Variants in GPC5 observed in about 807,000 individuals in gnomAD.
The protein encoded by GPC5 is glypican-5.
GPC5 carries 47 observed loss-of-function variants against 53.9 expected under a neutral mutation model. The ratio of observed to expected loss-of-function variants is 0.87; its 90% CI spans 0.69 to 1.11. GPC5 has a LOEUF of 1.11. Among genes scored for constraint, GPC5 ranks in the 50% most tolerant of loss-of-function variants. The pLI, the probability that GPC5 is intolerant of heterozygous loss-of-function variation, is 0.00. For missense variants in GPC5, 748 were observed against 713.1 expected, an observed-to-expected ratio of 1.05 and a Z score of -0.56; for synonymous variants, 286 against 263.3, an observed-to-expected ratio of 1.09 and a Z score of -0.84.
intron 7 of GPC5, among the ~76,000 whole-genome samples, chr13:92,721,774 T>C (rs147290705): frequency 1.3e-5 from 2 of 151,966 alleles, no homozygotes. Context: ...CACATGCCAT[T>C]AAGTCACTGT....
chr13:92,217,521 C>T (rs72636830), intron 7 of GPC5, among the ~76,000 whole-genome samples: 24,924 of 152,108 alleles, frequency 0.16, 2,359 homozygotes, highest in Admixed American at 0.22. Flanking sequence ...CTGCTAGTAA[C>T]TTTCTATCTG....
rs112032706 is a variant in GPC5, at chr13:92,785,094, G to A, written c.1562-81188G>A. ...GAGTTGACACCAGCCTGGCCAACATGATGAAACCCTGTCTCTACTTTAAAT... is the reference window on the plus strand; with the variant it reads ...GAGTTGACACCAGCCTGGCCAACATAATGAAACCCTGTCTCTACTTTAAAT... On this transcript the variant is annotated intron_variant, in intron 7 of 7. Transcript: ENST00000377067. Among the ~76,000 whole-genome samples, 546 of 152,148 alleles carry A rather than the reference G, an allele frequency of 3.6e-3. 3 individuals are homozygous for A. Among genetic ancestry groups the A allele is most frequent in the African/African-American group, 0.012 (517 of 41,508 alleles).
At chr13:92,080,608 C>T (rs912605319) in intron 6 of GPC5, among the ~76,000 whole-genome samples, 2 of 152,182 alleles carry the variant, frequency 1.3e-5, no homozygotes, top group African/African-American at 4.8e-5. Context: ...CTCATCACCA[C>T]GGCTGTGATC....
At chr13:91,681,132 C>G (rs1218343202) in intron 2 of GPC5, among the ~76,000 whole-genome samples, 2 of 151,986 alleles carry the variant, frequency 1.3e-5, no homozygotes, top group African/African-American at 2.4e-5. Context: ...TTGATGATTA[C>G]TGAGCTACAT....
chr13:92,732,407 T>C lies in GPC5; in HGVS notation c.1562-133875T>C, dbSNP rs137959084. 1.6e-3 allele frequency among the ~76,000 whole-genome samples: 245 copies of C among 151,750 alleles called. 4 individuals are homozygous for C. The highest frequency in any genetic ancestry group is 5.6e-3 in the African/African-American group (234 of 41,488). Reference sequence around the variant, plus strand: ...TGTTATTTACAACATTTGGATACTTTTTATTACTACTGTGCTTCATGTTTT... The same window carrying C: ...TGTTATTTACAACATTTGGATACTTCTTATTACTACTGTGCTTCATGTTTT... On this transcript the variant is annotated intron_variant, in intron 7 of 7. Coordinates refer to ENST00000377067, the MANE Select transcript of GPC5 (RefSeq NM_004466.6).
At chr13:91,664,374 G>T (rs1223679767) in intron 2 of GPC5, among the ~76,000 whole-genome samples, 4 of 152,144 alleles carry the variant, frequency 2.6e-5, no homozygotes, top group South Asian at 2.1e-4. Flanking sequence ...CTGCTTGCAT[G>T]ATCATTTATC....
intron 7 of GPC5, among the ~76,000 whole-genome samples, chr13:92,363,560 G>A (rs1488238588): frequency 6.6e-6 from 1 of 151,752 alleles, no homozygotes; most frequent in Non-Finnish European, 1.5e-5. Flanking sequence ...CTAACATGAG[G>A]TGGAGAGCTC....
chr13:91,595,855 A>C (rs570954164), intron 2 of GPC5, among the ~76,000 whole-genome samples: 54 of 152,296 alleles, frequency 3.5e-4, no homozygotes, highest in African/African-American at 1.2e-3. Flanking sequence ...ATTCTTCTGC[A>C]ATTGCTTTAG....
In GPC5 at chr13:91,627,777, G is replaced by A. The variant is rs542139457; in HGVS notation, c.326-65410G>A. Among the ~76,000 whole-genome samples the A allele has an allele frequency of 5.9e-5, 9 of 152,178 alleles. No individual in the cohort carries two copies. The South Asian group carries it at 1.0e-3, about 18-fold the overall frequency. On this transcript the variant is annotated intron_variant, in intron 2 of 7. Transcript: ENST00000377067. ...TGACCAAGGACACAATTTTCCTGTA[G>A]CATTTTGATGCCTGTAGCCTTCTGG...
intron 2 of GPC5, among the ~76,000 whole-genome samples, chr13:91,659,503 C>G (rs368968041): frequency 1.3e-5 from 2 of 152,150 alleles, no homozygotes; most frequent in South Asian, 2.1e-4. Flanking sequence ...AGCCAAAGAC[C>G]AAAATGTGCC....
chr13:92,335,317 G>GGTTCTT (rs1489783450), intron 7 of GPC5, among the ~76,000 whole-genome samples: 1 of 152,106 alleles, frequency 6.6e-6, no homozygotes, highest in African/African-American at 2.4e-5. Context: ...GCAGTATGTT[G>GGTTCTT]GTTCTTTTTA....
At chr13:92,032,040 T>G (rs982750794) in intron 6 of GPC5, among the ~76,000 whole-genome samples, 13 of 135,836 alleles carry the variant, frequency 9.6e-5, no homozygotes, top group African/African-American at 3.5e-4. Context: ...ATATAAAAAT[T>G]TATATATATA....
In GPC5 at chr13:91,693,715, TGGC is replaced by T. The variant is rs758437127; in HGVS notation, c.857_859del (p.Ala286del). 6.2e-7 allele frequency: 1 copy of T among 1,614,172 alleles called. No homozygotes were observed. The highest frequency in any genetic ancestry group is 1.7e-5 in the Admixed American group (1 of 60,034). Reference sequence around the variant, plus strand: ...GTCATGCGAGGCTGCCTGGCGCACATGGCGGAGCTTAATCCACACTGGCATGCA... The same window carrying T: ...GTCATGCGAGGCTGCCTGGCGCACATGGAGCTTAATCCACACTGGCATGCA... On this transcript the variant is annotated inframe_deletion, in exon 3 of 8. Coordinates refer to ENST00000377067, the MANE Select transcript of GPC5 (RefSeq NM_004466.6).
At chr13:92,036,735 C>G (rs2040896003) in intron 6 of GPC5, among the ~76,000 whole-genome samples, 2 of 152,322 alleles carry the variant, frequency 1.3e-5, no homozygotes, top group South Asian at 4.1e-4. Context: ...TCTGCTCCTA[C>G]TCCAGCCTTA....
chr13:91,742,913 A>C (rs977473550), intron 4 of GPC5, among the ~76,000 whole-genome samples: 1 of 152,170 alleles, frequency 6.6e-6, no homozygotes, highest in Non-Finnish European at 1.5e-5. Flanking sequence ...GTATAATTTT[A>C]TAGCCATAGA....
intron 7 of GPC5, among the ~76,000 whole-genome samples, chr13:92,148,100 C>T (rs4773669): frequency 5.2e-4 from 79 of 152,016 alleles, no homozygotes; most frequent in Admixed American, 6.6e-5. Context: ...GCACACAGTT[C>T]ATTTGTTACC....
At chr13:91,421,294 A>T (rs1878611734) in intron 1 of GPC5, among the ~76,000 whole-genome samples, 1 of 152,088 alleles carries the variant, frequency 6.6e-6, no homozygotes, top group Non-Finnish European at 1.5e-5. Flanking sequence ...TTATTTTGGG[A>T]TGTGATGGTC....
At chr13:92,625,244 G>C (rs1885010908) in intron 7 of GPC5, among the ~76,000 whole-genome samples, 2 of 152,070 alleles carry the variant, frequency 1.3e-5, no homozygotes, top group South Asian at 4.1e-4. Flanking sequence ...TATTAAATTA[G>C]TTTCTTTGAT....
At chr13:92,576,224 C>T (rs961199914) in intron 7 of GPC5, among the ~76,000 whole-genome samples, 1 of 152,146 alleles carries the variant, frequency 6.6e-6, no homozygotes, top group South Asian at 2.1e-4. Context: ...ATGAAAAGCT[C>T]CTACTATTTC....
Sources: gnomAD v4.1 joint callset for allele counts (sites outside exome capture counted in the v4.1 genomes callset) on GRCh38, gnomAD v4.1.1 for gene constraint, MANE v1.5 for transcripts, NCBI Gene and HGNC (gene_info 2026-07-23, HGNC 2026-07-21) for gene names.